The following LRP1 variants were observed in gnomAD, a reference collection of about 807,000 sequenced individuals.
LRP1 encodes prolow-density lipoprotein receptor-related protein 1.
LRP1 carries 51 observed loss-of-function variants against 541.5 expected under a neutral mutation model. That is an observed-to-expected ratio of 0.09 (90% CI 0.08 to 0.12). LRP1 has a LOEUF of 0.12. Among genes scored for constraint, LRP1 ranks in the 10% least tolerant of loss-of-function variants. LRP1 has a pLI of 1.00. For missense variants in LRP1, 3,878 were observed against 6,376.2 expected, an observed-to-expected ratio of 0.61 and a Z score of 13.34; for synonymous variants, 2,219 against 2,470.8, an observed-to-expected ratio of 0.90 and a Z score of 3.02.
At chr12:57,196,856 C>G (rs2036544012) in intron 55 of LRP1, 126 bp from the exon 56 acceptor site, 1 of 783,182 alleles carries the variant, frequency 1.3e-6, no homozygotes, top group Admixed American at 2.2e-5. Flanking sequence ...TGGGTGGGCT[C>G]AGTACCCATA....
Position 57,197,300 on chromosome 12 carries a change from C to G in LRP1, c.9078C>G (p.Asp3026Glu). ...TGAGGCAAGATCCTCTGTCTGCAGA[C>G]GAGGAACCGTTTCTGATCTTCGCCA... Reference protein sequence around the residue: ...GDPHSCKAVTDEEPFLIFANR... With the variant: ...GDPHSCKAVTEEEPFLIFANR... Residue 3026 changes from aspartate to glutamate, a missense_variant and splice_region_variant, in exon 57 of 89, where the codon GAC becomes GAG. By Grantham distance (45) the Asp-to-Glu change is conservative (BLOSUM62 2). Coordinates refer to ENST00000243077, the MANE Select transcript of LRP1 (RefSeq NM_002332.3). The surrounding 1 kb of genome is among the most constrained non-coding windows in gnomAD (Gnocchi z 4.5). 1 of 1,614,074 alleles carries G rather than the reference C, an allele frequency of 6.2e-7. No individual in the cohort carries two copies. Among genetic ancestry groups the G allele is most frequent in the East Asian group, 2.2e-5 (1 of 44,884 alleles).
chr12:57,202,968 GT>G, intron 68 of LRP1: 1 of 577,926 alleles, frequency 1.7e-6, no homozygotes, highest in Non-Finnish European at 3.1e-6. Flanking sequence ...CCTCTCTGGT[GT>G]CTGTCCCATG....
Position 57,193,032 on chromosome 12 carries a change from A to T in LRP1, c.7555+62A>T. On this transcript the variant is annotated intron_variant, in intron 45 of 88. Transcript: ENST00000243077. ...CAAGCACACACCAGGGATGGTGACCATCTCCCCTACATGCTCCAGCCCAGC... is the reference window on the plus strand; with the variant it reads ...CAAGCACACACCAGGGATGGTGACCTTCTCCCCTACATGCTCCAGCCCAGC... The T allele has an allele frequency of 4.4e-6, 7 of 1,594,278 alleles. No homozygotes were observed. The South Asian group carries it at 7.7e-5, about 18-fold the overall frequency.
chr12:57,198,076 G>C, intron 58 of LRP1, 80 bp from the exon 59 acceptor site: 1 of 1,261,374 alleles, frequency 7.9e-7, no homozygotes, highest in South Asian at 1.4e-5. Context: ...TTTTACACGA[G>C]GGGAGGCTGA....
intron 1 of LRP1, 136 bp from the exon 2 acceptor site, chr12:57,138,323 G>C: frequency 9.6e-7 from 1 of 1,041,980 alleles, no homozygotes; most frequent in East Asian, 2.4e-5. Context: ...ACACCCCCAG[G>C]CACATAGACC....
chr12:57,187,858 G>A (rs2036300014), intron 42 of LRP1, among the ~76,000 whole-genome samples: 1 of 152,206 alleles, frequency 6.6e-6, no homozygotes, highest in African/African-American at 2.4e-5. Flanking sequence ...TAGCTGGGTT[G>A]AGAAGTCATA....
Position 57,211,842 on chromosome 12 carries a change from G to A in LRP1, c.13258+28G>A. 2.5e-6 allele frequency: 4 copies of A among 1,613,022 alleles called. No homozygotes were observed. The highest frequency in any genetic ancestry group is 3.4e-6 in the Non-Finnish European group (4 of 1,179,978). ...AGGTGGCAGGGGTTGGGGCAGGCAG[G>A]GCCACCGGGACCTAGAGCAGGGGGA... On this transcript the variant is annotated intron_variant, in intron 86 of 88. Transcript: ENST00000243077. This position sits in a 1 kb window ranked among gnomAD's most constrained non-coding sequence, Gnocchi z 4.3.
chr12:57,183,678 G>C lies in LRP1; in HGVS notation c.5795-97G>C. On this transcript the variant is annotated intron_variant, in intron 35 of 88. Transcript: ENST00000243077. The surrounding 1 kb of genome is among the most constrained non-coding windows in gnomAD (Gnocchi z 6.1). ...CCCCTTCAAGCACCTGGCCCCTCCG[G>C]CACTCTCTCACCTCTGTCTTGAGCC... 4 of 1,541,822 alleles carry C rather than the reference G, an allele frequency of 2.6e-6. No homozygotes were observed. Among genetic ancestry groups the C allele is most frequent in the Non-Finnish European group, 2.6e-6 (3 of 1,134,548 alleles).
intron 1 of LRP1, among the ~76,000 whole-genome samples, chr12:57,135,720 CCCCAT>C: frequency 6.6e-6 from 1 of 152,208 alleles, no homozygotes; most frequent in East Asian, 1.9e-4. Flanking sequence ...TTGTCCCATC[CCCCAT>C]CCCCTCCCTG....
At chr12:57,191,160 C>A in intron 43 of LRP1, 151 bp downstream of exon 43, 2 of 1,115,250 alleles carry the variant, frequency 1.8e-6, no homozygotes, top group Non-Finnish European at 2.6e-6. Flanking sequence ...CAACCCCACC[C>A]TGTCCAGCTT....
At chr12:57,153,421 C>T (rs1308985061) in intron 6 of LRP1, among the ~76,000 whole-genome samples, 6 of 152,198 alleles carry the variant, frequency 3.9e-5, no homozygotes, top group Non-Finnish European at 8.8e-5. Flanking sequence ...TCTCCTTCCC[C>T]CACTCCCATC....
chr12:57,137,206 A>C (rs1237975703), intron 1 of LRP1, among the ~76,000 whole-genome samples: 1 of 149,552 alleles, frequency 6.7e-6, no homozygotes, highest in African/African-American at 2.5e-5. Context: ...GTGCCATTGC[A>C]CTCCAGCCTG....
chr12:57,138,102 A>T (rs896815936), intron 1 of LRP1, among the ~76,000 whole-genome samples: 2 of 152,058 alleles, frequency 1.3e-5, no homozygotes, highest in Admixed American at 6.6e-5. Flanking sequence ...TCAAGGCCTA[A>T]ATGCACCCCC....
chr12:57,167,518 G>A lies in LRP1; in HGVS notation c.2989G>A (p.Asp997Asn). 1 of 1,613,480 alleles carries A rather than the reference G, an allele frequency of 6.2e-7. No individual in the cohort carries two copies. The part of the protein sequence containing the change: ...GRCININWRC[D>N]NDNDCGDNSD... ...ATGTATCAACATCAACTGGAGATGC[G>A]ACAATGGTAAGAGCTTGCTCTCCTC... The change falls in exon 19 of 89, where the codon GAC becomes AAC. Residue 997 changes from aspartate to asparagine, a missense_variant. This residue lies in a region of LRP1 where 320 missense variants were observed against 547.9 expected (regional missense o/e 0.58). Transcript: ENST00000243077.
intron 6 of LRP1, chr12:57,149,828 G>T (rs909675878): frequency 1.4e-6 from 1 of 693,078 alleles, no homozygotes; most frequent in Non-Finnish European, 2.6e-6. Flanking sequence ...TGCCAGGCTC[G>T]CCAGGAGGTC....
Position 57,201,673 on chromosome 12 carries a change from C to G in LRP1, c.10468+54C>G. The stretch of plus-strand genomic sequence containing the variant: ...CCCTCCCCAGTGTCTGCTGCTCACA[C>G]CACCCCGACGTGTGACCCCCTCAGT... On this transcript the variant is annotated intron_variant, in intron 66 of 88. Coordinates refer to ENST00000243077, the MANE Select transcript of LRP1 (RefSeq NM_002332.3). The surrounding 1 kb of genome is among the most constrained non-coding windows in gnomAD (Gnocchi z 6.4). The G allele has an allele frequency of 6.3e-7, 1 of 1,598,174 alleles. No homozygotes were observed.
chr12:57,144,792 G>A (rs2035365732), intron 4 of LRP1, 180 bp from the exon 5 acceptor site: 2 of 636,264 alleles, frequency 3.1e-6, no homozygotes, highest in Admixed American at 2.5e-5. Flanking sequence ...TCTCTAGAGT[G>A]GATTCCAAGA....
At position 57,204,472 on chromosome 12, in the gene LRP1, A is replaced by C; in HGVS notation, c.11014A>C (p.Lys3672Gln). ...NNTLCKPLAW[K>Q]CDGEDDCGDN... ...CACCTTGTGCAAGCCGCTGGCCTGG[A>C]AGTGCGATGGCGAGGATGACTGTGG... The change falls in exon 71 of 89, where the codon AAG becomes CAG. Residue 3672 changes from lysine to glutamine, a missense_variant. Coordinates refer to ENST00000243077, the MANE Select transcript of LRP1 (RefSeq NM_002332.3). The surrounding 1 kb of genome is among the most constrained non-coding windows in gnomAD (Gnocchi z 5.3). 1 of 1,576,388 alleles carries C rather than the reference A, an allele frequency of 6.3e-7. No individual in the cohort carries two copies. Among genetic ancestry groups the C allele is most frequent in the Non-Finnish European group, 8.6e-7 (1 of 1,158,260 alleles).
chr12:57,138,662 C>T, intron 2 of LRP1, 81 bp downstream of exon 2: 1 of 1,567,966 alleles, frequency 6.4e-7, no homozygotes, highest in Non-Finnish European at 8.7e-7. Context: ...AGGAGGACAG[C>T]TGATCCCTAG....
Sources: allele counts gnomAD v4.1 joint callset (sites outside exome capture counted in the v4.1 genomes callset), GRCh38; gene constraint gnomAD v4.1.1; regional missense constraint gnomAD v4.1.1; non-coding constraint Gnocchi (gnomAD v3.1); transcripts MANE v1.5; gene names NCBI Gene and HGNC (gene_info 2026-07-23, HGNC 2026-07-21).